Variants in CDS1 observed in about 807,000 individuals in gnomAD.
CDS1 encodes the protein phosphatidate cytidylyltransferase 1.
CDS1 carries 41 observed loss-of-function variants against 62.1 expected under a neutral mutation model. The observed-to-expected ratio is 0.66, with a 90% confidence interval of 0.51 to 0.86. The LOEUF is 0.86. Among genes scored for constraint, CDS1 ranks in the 40% least tolerant of loss-of-function variants. The pLI is 0.00. For synonymous variants in CDS1, 185 were observed against 192.6 expected (o/e 0.96, Z 0.32); for missense variants, 470 against 550.1 (o/e 0.85, Z 1.46).
In CDS1 at chr4:84,644,706, A is replaced by T. The variant is rs184283578; in HGVS notation, c.1153-516A>T. 2.6e-5 allele frequency among the ~76,000 whole-genome samples: 4 copies of T among 152,306 alleles called. No individual in the cohort carries two copies. In the East Asian group the frequency reaches 7.7e-4, roughly 29 times the overall value. ...GCCATTTAATGGACTAATGTGTCCC[A>T]TATGGGCTCACTGTAATTTTATTTT... On this transcript the variant is annotated intron_variant, in intron 11 of 12. Coordinates refer to ENST00000295887, the MANE Select transcript of CDS1 (RefSeq NM_001263.4).
At chr4:84,630,841 A>C (rs982185012) in intron 5 of CDS1, among the ~76,000 whole-genome samples, 2 of 152,192 alleles carry the variant, frequency 1.3e-5, no homozygotes, top group African/African-American at 4.8e-5. Flanking sequence ...AATAGAATGC[A>C]TACATAGCCA....
chr4:84,633,956 A>C lies in CDS1; in HGVS notation c.722+17A>C. Reference sequence around the variant, plus strand: ...CATGATATGGTAAGGCAACAGAATTATGCTGCTTTATAAGTATGTCATAGC... The same window carrying C: ...CATGATATGGTAAGGCAACAGAATTCTGCTGCTTTATAAGTATGTCATAGC... On this transcript the variant is annotated intron_variant, in intron 7 of 12. Coordinates refer to ENST00000295887, the MANE Select transcript of CDS1 (RefSeq NM_001263.4). The C allele has an allele frequency of 6.8e-7, 1 of 1,462,234 alleles. No homozygotes were observed. Among genetic ancestry groups the C allele is most frequent in the Non-Finnish European group, 9.5e-7 (1 of 1,052,772 alleles). 90.6% of individuals were successfully genotyped at this position (1,462,234 alleles called of 1,614,324 possible). A position where few individuals can be genotyped will look rare whatever the true frequency, so the allele number is the denominator to read the frequency against.
At chr4:84,621,273 A>T (rs1723679090) in intron 5 of CDS1, among the ~76,000 whole-genome samples, 1 of 152,068 alleles carries the variant, frequency 6.6e-6, no homozygotes, top group African/African-American at 2.4e-5. Flanking sequence ...CAATAAATGA[A>T]TTTTTCTCCT....
At chr4:84,607,786 G>A (rs1030624038) in intron 2 of CDS1, among the ~76,000 whole-genome samples, 1 of 151,970 alleles carries the variant, frequency 6.6e-6, no homozygotes, top group Non-Finnish European at 1.5e-5. Flanking sequence ...CTGCATATAT[G>A]TTACTAGACT....
At position 84,643,131 on chromosome 4, in the gene CDS1, C is replaced by T. The variant is rs1724442392; in HGVS notation, c.1140C>T (p.Ala380=). 6.2e-7 allele frequency: 1 copy of T among 1,612,444 alleles called. No individual in the cohort carries two copies. ...TCTTTGCTAGTGGATTCAAAAGAGC[C>T]TTCAAAATCAAGGTGTGTGTTTAGA... ...GGFFASGFKR[A]FKIKDFANTI... is the part of the protein sequence containing the mutation. The change falls in exon 11 of 13, where the codon GCC becomes GCT. Residue 380 remains alanine (A), a synonymous_variant. Coordinates refer to ENST00000295887, the MANE Select transcript of CDS1 (RefSeq NM_001263.4).
rs771766194 is a variant in CDS1, at chr4:84,583,479, G to T, written c.78G>T (p.Ala26=). ...CGCCGCCACACCGCGAGGGAGAGGC[G>T]GCCGGCGGCGACCACGAAACCGAGA... is the stretch of plus-strand genomic sequence containing the variant. ...AVSPPHREGE[A]AGGDHETEST... Residue 26 remains alanine (A), a synonymous_variant, in exon 1 of 13, where the codon GCG becomes GCT. Coordinates refer to ENST00000295887, the MANE Select transcript of CDS1 (RefSeq NM_001263.4). 2.6e-5 allele frequency: 41 copies of T among 1,559,382 alleles called. No individual in the cohort carries two copies. The highest frequency in any genetic ancestry group is 3.3e-5 in the Non-Finnish European group (38 of 1,154,922).
At chr4:84,593,454 C>A (rs892899939) in intron 1 of CDS1, among the ~76,000 whole-genome samples, 1 of 152,050 alleles carries the variant, frequency 6.6e-6, no homozygotes, top group South Asian at 2.1e-4. Context: ...AGCTTAGATT[C>A]AAGTTGCCCT....
chr4:84,623,992 C>A (rs938697530), intron 5 of CDS1, among the ~76,000 whole-genome samples: 1 of 151,890 alleles, frequency 6.6e-6, no homozygotes, highest in Non-Finnish European at 1.5e-5. Flanking sequence ...GTTTTTTTTG[C>A]TGGGCGCAGT....
At chr4:84,647,690 TG>T (rs34079401) in intron 12 of CDS1, among the ~76,000 whole-genome samples, 2 of 152,204 alleles carry the variant, frequency 1.3e-5, no homozygotes, top group East Asian at 3.8e-4. Context: ...TGACCCTTGG[TG>T]GGATGGCTCA....
chr4:84,597,704 C>A (rs200545370), intron 1 of CDS1, among the ~76,000 whole-genome samples: 2 of 152,156 alleles, frequency 1.3e-5, no homozygotes, highest in East Asian at 3.9e-4. Context: ...CCTCACTCTT[C>A]GTTCACCAAA....
At chr4:84,589,727 A>G (rs1047298140) in intron 1 of CDS1, among the ~76,000 whole-genome samples, 1 of 152,242 alleles carries the variant, frequency 6.6e-6, no homozygotes, top group Non-Finnish European at 1.5e-5. Context: ...GAACACTTCC[A>G]CAGAGCCTTG....
chr4:84,625,493 A>G (rs1018987510), intron 5 of CDS1, among the ~76,000 whole-genome samples: 1 of 152,260 alleles, frequency 6.6e-6, no homozygotes, highest in Admixed American at 6.5e-5. Flanking sequence ...GACAGGTTTC[A>G]TGAAAAGGAA....
At chr4:84,631,426 GTTA>G (rs1189484335) in intron 5 of CDS1, among the ~76,000 whole-genome samples, 2 of 152,266 alleles carry the variant, frequency 1.3e-5, no homozygotes, top group East Asian at 1.9e-4. Context: ...TGTTATAATA[GTTA>G]TTATTAATTT....
intron 3 of CDS1, among the ~76,000 whole-genome samples, chr4:84,614,545 T>A (rs915399173): frequency 2.6e-5 from 4 of 152,182 alleles, no homozygotes; most frequent in Admixed American, 6.5e-5. Flanking sequence ...AGAAAAAATT[T>A]GCAAAGTGAA....
intron 2 of CDS1, among the ~76,000 whole-genome samples, chr4:84,606,643 G>A (rs1191456004): frequency 2.0e-5 from 3 of 151,930 alleles, no homozygotes; most frequent in Non-Finnish European, 2.9e-5. Flanking sequence ...TTAGGATAAA[G>A]TCCTAAAAGG....
intron 5 of CDS1, among the ~76,000 whole-genome samples, chr4:84,625,652 C>T (rs1723834288): frequency 6.6e-6 from 1 of 151,984 alleles, no homozygotes; most frequent in African/African-American, 2.4e-5. Context: ...GGAGCCACAT[C>T]TTAAGAAAAT....
rs1724726966 is a variant in CDS1 at position 84,651,322 on chromosome 4, G to A, written c.*2636G>A. ...GAAACTGAGACAGGAAAATAAAACT[G>A]AAACAAATCATATTTTGACTTTGTT... On this transcript the variant is annotated 3_prime_UTR_variant, in exon 13 of 13. Transcript: ENST00000295887. The A allele has an allele frequency of 6.6e-6, 1 of 151,794 alleles. No homozygotes were observed. The highest frequency in any genetic ancestry group is 2.4e-5 in the African/African-American group (1 of 41,124). 9.4% of individuals were successfully genotyped at this position (151,794 alleles called of 1,614,324 possible).
chr4:84,591,909 G>A (rs961294654), intron 1 of CDS1, among the ~76,000 whole-genome samples: 1 of 152,056 alleles, frequency 6.6e-6, no homozygotes, highest in African/African-American at 2.4e-5. Context: ...TGTTGGCAGC[G>A]GATTAGAAAT....
Position 84,645,302 on chromosome 4 carries a change from T to C in CDS1, c.1233T>C (p.His411=), listed in dbSNP as rs763774565. Reference sequence around the variant, plus strand: ...AGTATTTGATGGCAACTTTTGTACATGTGTACATCACAAGTTTTATAAGGT... The same window carrying C: ...AGTATTTGATGGCAACTTTTGTACACGTGTACATCACAAGTTTTATAAGGT... ...DCQYLMATFV[H]VYITSFIRGP... The change falls in exon 12 of 13, where the codon CAT becomes CAC. Residue 411 remains histidine, a synonymous_variant. Coordinates refer to ENST00000295887, the MANE Select transcript of CDS1 (RefSeq NM_001263.4). The C allele has an allele frequency of 4.3e-5, 69 of 1,602,938 alleles. No homozygotes were observed. The highest frequency in any genetic ancestry group is 5.7e-5 in the Non-Finnish European group (67 of 1,170,170).
Sources: gnomAD v4.1 joint callset for allele counts (sites outside exome capture counted in the v4.1 genomes callset) on GRCh38, gnomAD v4.1.1 for gene constraint, MANE v1.5 for transcripts, NCBI Gene and HGNC (gene_info 2026-07-23, HGNC 2026-07-21) for gene names.